Variants in SH3BP2 observed in about 807,000 individuals in gnomAD.
The protein encoded by SH3BP2 is SH3 domain-binding protein 2.
A neutral mutation model predicts 56.2 loss-of-function variants in SH3BP2; 38 were observed. The observed-to-expected ratio is 0.68, with a 90% CI of 0.52 to 0.89. The LOEUF is 0.89. Ranked by LOEUF, SH3BP2 falls within the 40% of genes least tolerant of loss-of-function variation. The pLI, the probability that SH3BP2 is intolerant of heterozygous loss-of-function variation, is 0.00. For synonymous variants in SH3BP2, 346 were observed against 316.7 expected (o/e 1.09, Z -0.98); for missense variants, 748 against 762.6 (o/e 0.98, Z 0.23).
chr4:2,825,987 G>C (rs1724592755), intron 5 of SH3BP2, among the ~76,000 whole-genome samples: 1 of 152,264 alleles, frequency 6.6e-6, no homozygotes, highest in African/African-American at 2.4e-5. Context: ...AGGAGGCCCA[G>C]GGAGGGCTGG....
At chr4:2,832,556 C>T (rs965180553) in intron 11 of SH3BP2, 144 bp downstream of exon 11, 24 of 736,120 alleles carry the variant, frequency 3.3e-5, no homozygotes, top group Non-Finnish European at 5.4e-5. Context: ...TTCCCAGCAG[C>T]ACCCCCCAAT....
Position 2,831,735 on chromosome 4 carries a change from G to A in SH3BP2, c.1350+56G>A. The A allele has an allele frequency of 6.8e-7, 1 of 1,473,154 alleles. No individual in the cohort carries two copies. The highest frequency in any genetic ancestry group is 1.2e-5 in the South Asian group (1 of 83,792). 91.3% of individuals were successfully genotyped at this position (1,473,154 alleles called of 1,614,324 possible). On this transcript the variant is annotated intron_variant, in intron 9 of 12. Transcript: ENST00000503393. The surrounding 1 kb of genome is among the most constrained non-coding windows in gnomAD (Gnocchi z 4.1). Reference sequence around the variant, plus strand: ...TGGCCAGTAGGTGGACAGGTGGTGGGAAAGCCATAGGCCAGGGCGGCCCCT... The same window carrying A: ...TGGCCAGTAGGTGGACAGGTGGTGGAAAAGCCATAGGCCAGGGCGGCCCCT...
chr4:2,816,885 T>G (rs530459222), intron 1 of SH3BP2, among the ~76,000 whole-genome samples: 1 of 152,326 alleles, frequency 6.6e-6, no homozygotes, highest in South Asian at 2.1e-4. Flanking sequence ...GGATATTGGT[T>G]TGTAGTTTTA....
Position 2,834,022 on chromosome 4 carries a change from G to A in SH3BP2, c.*188G>A. 1.5e-6 allele frequency: 1 copy of A among 668,082 alleles called. No homozygotes were observed. The highest frequency in any genetic ancestry group is 2.0e-5 in the South Asian group (1 of 51,160). The allele number at this position is 668,082 out of a possible 1,614,324, so 41.4% of individuals were successfully genotyped here. A position where few individuals can be genotyped will look rare whatever the true frequency, so the allele number is the denominator to read the frequency against. ...CAGGTTGGGTTCTAGGGCTGAACCA[G>A]GCGCCAGGCTCCAGAGGACGAAGGG... On this transcript the variant is annotated 3_prime_UTR_variant, in exon 13 of 13. Coordinates refer to ENST00000503393, the MANE Select transcript of SH3BP2 (RefSeq NM_001122681.2).
Position 2,810,048 on chromosome 4 carries a change from GA to G in SH3BP2, c.-4-10565del, listed in dbSNP as rs1723682494. Among the ~76,000 whole-genome samples, 1 of 152,242 alleles carries G rather than the reference GA, an allele frequency of 6.6e-6. No individual in the cohort carries two copies. The highest frequency in any genetic ancestry group is 6.5e-5 in the Admixed American group (1 of 15,284). On this transcript the variant is annotated intron_variant, in intron 1 of 12. Coordinates refer to ENST00000503393, the MANE Select transcript of SH3BP2 (RefSeq NM_001122681.2). The surrounding 1 kb of genome is among the most constrained non-coding windows in gnomAD (Gnocchi z 4.2). The stretch of plus-strand genomic sequence containing the variant: ...TTACCGGCACAGGGTAAATGTCAAG[GA>G]GTGGCCATGGCTGAGGAGGGGAGAA...
rs1297339270 is a variant in SH3BP2 at position 2,802,402 on chromosome 4, ATATGTGTGTGTGTGTGTGTGTGTG to A, written c.-5+9266_-5+9289del. Among the ~76,000 whole-genome samples, 86 of 100,486 alleles carry A rather than the reference ATATGTGTGTGTGTGTGTGTGTGTG, an allele frequency of 8.6e-4. 1 individual carries two copies. The highest frequency in any genetic ancestry group is 2.7e-3 in the African/African-American group (85 of 31,116). 65.9% of individuals were successfully genotyped at this position (100,486 alleles called of 152,430 possible). A position where few individuals can be genotyped will look rare whatever the true frequency, so the allele number is the denominator to read the frequency against. On this transcript the variant is annotated intron_variant, in intron 1 of 12. Transcript: ENST00000503393. ...AAGTGAGACTCTGTCTCAAAAAAAT[ATATGTGTGTGTGTGTGTGTGTGTG>A]TGTGTGTGTGTGTGTGTATGTATAT... is the stretch of plus-strand genomic sequence containing the variant.
intron 1 of SH3BP2, among the ~76,000 whole-genome samples, chr4:2,807,416 C>T (rs1577342261): frequency 1.3e-5 from 2 of 152,160 alleles, no homozygotes; most frequent in Non-Finnish European, 2.9e-5. Context: ...CTGCCATGGG[C>T]CTGGTGCCCA....
intron 8 of SH3BP2, 83 bp downstream of exon 8, chr4:2,830,230 G>C (rs535282394): frequency 6.0e-6 from 8 of 1,333,890 alleles, no homozygotes; most frequent in Non-Finnish European, 8.1e-6. Context: ...TGCCCACCTC[G>C]CTCCCCTGGC....
intron 7 of SH3BP2, among the ~76,000 whole-genome samples, chr4:2,828,487 C>T (rs753871744): frequency 6.6e-6 from 1 of 152,162 alleles, no homozygotes. Context: ...CTTCAGCCCA[C>T]GAGGGTCTGC....
chr4:2,807,173 CGGCTTGTCTCACTG>C (rs1723569497), intron 1 of SH3BP2, among the ~76,000 whole-genome samples: 1 of 152,150 alleles, frequency 6.6e-6, no homozygotes, highest in African/African-American at 2.4e-5. Flanking sequence ...GGCTGGCCGG[CGGCTTGTCTCACTG>C]GGCAGAGGTC....
Position 2,800,680 on chromosome 4 carries a change from C to T in SH3BP2, c.-5+7542C>T, listed in dbSNP as rs184331148. On this transcript the variant is annotated intron_variant, in intron 1 of 12. Coordinates refer to ENST00000503393, the MANE Select transcript of SH3BP2 (RefSeq NM_001122681.2). ...GCAGGAGAGCTCAGGCCTCGGCTCC[C>T]ACGGGTCTGGGGCTGTGGTGGTTGG... Among the ~76,000 whole-genome samples the T allele has an allele frequency of 9.2e-5, 14 of 152,258 alleles. No individual in the cohort carries two copies. In the East Asian group the frequency reaches 1.5e-3, roughly 17 times the overall value.
chr4:2,823,569 G>A, intron 3 of SH3BP2: 1 of 455,532 alleles, frequency 2.2e-6, no homozygotes. Context: ...TGCACTAACA[G>A]GCAGGTGGGC....
At chr4:2,814,694 G>A (rs1320768163) in intron 1 of SH3BP2, 2 of 152,240 alleles carry the variant, frequency 1.3e-5, no homozygotes, top group Non-Finnish European at 2.9e-5. Context: ...GAGGTGTCAG[G>A]GGACTCTGAG....
At chr4:2,806,175 A>G (rs1723525991) in intron 1 of SH3BP2, among the ~76,000 whole-genome samples, 1 of 152,174 alleles carries the variant, frequency 6.6e-6, no homozygotes, top group Non-Finnish European at 1.5e-5. Context: ...TCTGCCTGCC[A>G]AGGTCACATG....
Position 2,837,940 on chromosome 4 carries a change from C to T in SH3BP2, c.*4106C>T, listed in dbSNP as rs941691870. On this transcript the variant is annotated 3_prime_UTR_variant, in exon 13 of 13. Transcript: ENST00000503393. ...TTTTAAGCCATCTTCCAGCCATTCT[C>T]ACTGGAGGGAGATTTGATGGGTACA... 1 of 152,244 alleles carries T rather than the reference C, an allele frequency of 6.6e-6. No homozygotes were observed. Among genetic ancestry groups the T allele is most frequent in the South Asian group, 2.1e-4 (1 of 4,830 alleles). The allele number at this position is 152,244 out of a possible 1,614,324, so 9.4% of individuals were successfully genotyped here. A position where few individuals can be genotyped will look rare whatever the true frequency, so the allele number is the denominator to read the frequency against.
intron 1 of SH3BP2, among the ~76,000 whole-genome samples, chr4:2,793,992 A>G (rs1166198052): frequency 1.3e-5 from 2 of 152,162 alleles, no homozygotes; most frequent in East Asian, 1.9e-4. Flanking sequence ...AGCACCTCCT[A>G]TCCCCTCTCT....
In SH3BP2 at chr4:2,839,090, A is replaced by T. The variant is rs962724600; in HGVS notation, c.*5256A>T. The T allele has an allele frequency of 1.3e-5, 2 of 151,584 alleles. No homozygotes were observed. The highest frequency in any genetic ancestry group is 1.5e-5 in the Non-Finnish European group (1 of 67,878). 9.4% of individuals were successfully genotyped at this position (151,584 alleles called of 1,614,324 possible). ...AGATTGAGCATATTTTTATGTTTTT[A>T]TTAACCATTTTGATTTTGTCTCCTG... On this transcript the variant is annotated 3_prime_UTR_variant, in exon 13 of 13. Transcript: ENST00000503393.
rs1018863571 is a variant in SH3BP2, at chr4:2,839,377, G to C, written c.*5543G>C. ...GTAGAGACGGGTTTCATCATGTTAT[G>C]CAGGCTGCTCTCAAACTCTTGAGCT... On this transcript the variant is annotated 3_prime_UTR_variant, in exon 13 of 13. Coordinates refer to ENST00000503393, the MANE Select transcript of SH3BP2 (RefSeq NM_001122681.2). 4.7e-4 allele frequency: 71 copies of C among 152,016 alleles called. 1 individual carries two copies. Among genetic ancestry groups the C allele is most frequent in the African/African-American group, 1.7e-3 (70 of 41,484 alleles). The allele number at this position is 152,016 out of a possible 1,614,324, so 9.4% of individuals were successfully genotyped here. A position where few individuals can be genotyped will look rare whatever the true frequency, so the allele number is the denominator to read the frequency against.
Position 2,801,295 on chromosome 4 carries a change from G to A in SH3BP2, c.-5+8157G>A, listed in dbSNP as rs966250276. On this transcript the variant is annotated intron_variant, in intron 1 of 12. Transcript: ENST00000503393. ...GTCACCCAGGCCCCCTCTGGGCCAC[G>A]CTGAGGGTGAGGACAGGAGCCAGCG... 3.3e-5 allele frequency among the ~76,000 whole-genome samples: 5 copies of A among 152,332 alleles called. No homozygotes were observed. In the East Asian group the frequency reaches 5.8e-4, roughly 18 times the overall value.
Sources: allele counts gnomAD v4.1 joint callset (sites outside exome capture counted in the v4.1 genomes callset), GRCh38; gene constraint gnomAD v4.1.1; non-coding constraint Gnocchi (gnomAD v3.1); transcripts MANE v1.5; gene names NCBI Gene and HGNC (gene_info 2026-07-23, HGNC 2026-07-21).